The following MAP3K9 variants were observed in gnomAD, a reference collection of about 807,000 sequenced individuals.
MAP3K9 encodes the protein mixed lineage kinase 1 (tyr and ser/thr specificity).
A neutral mutation model predicts 95.8 loss-of-function variants in MAP3K9; 46 were observed. The observed-to-expected ratio is 0.48, with a 90% confidence interval of 0.38 to 0.61. The LOEUF is 0.61. Among genes scored for constraint, MAP3K9 ranks in the 20% least tolerant of loss-of-function variants. The probability of loss-of-function intolerance (pLI) is 0.00; values close to 1 mark genes in which losing one functional copy is unlikely to be tolerated. For missense variants in MAP3K9, 1,296 were observed against 1,474.3 expected (o/e 0.88, Z 1.98); for synonymous variants, 533 against 593.8 (o/e 0.90, Z 1.49).
At position 70,733,146 on chromosome 14, in the gene MAP3K9, C is replaced by G. The variant is rs779623119; in HGVS notation, c.2223G>C (p.Arg741=). The change falls in exon 11 of 12, where the codon CGG becomes CGC. Residue 741 remains arginine, a synonymous_variant. Transcript: ENST00000554752. Reference sequence around the variant, plus strand: ...CGCAGCGGCGGTGGTGGGCACCGCCCCGCTTGAGGCTGTTGGTTGGCGTCA... The same window carrying G: ...CGCAGCGGCGGTGGTGGGCACCGCCGCGCTTGAGGCTGTTGGTTGGCGTCA... ...PQLTPTNSLK[R]GGAHHRRCEV... 6.2e-7 allele frequency: 1 copy of G among 1,612,962 alleles called. No homozygotes were observed. The highest frequency in any genetic ancestry group is 8.5e-7 in the Non-Finnish European group (1 of 1,179,224).
intron 1 of MAP3K9, 81 bp from the exon 2 acceptor site, chr14:70,801,161 T>A: frequency 7.4e-7 from 1 of 1,353,360 alleles, no homozygotes; most frequent in Non-Finnish European, 1.0e-6. Context: ...CCTGAGTGGG[T>A]AAACACGGCA....
At chr14:70,787,528 C>T (rs1389130283) in intron 2 of MAP3K9, among the ~76,000 whole-genome samples, 1 of 149,264 alleles carries the variant, frequency 6.7e-6, no homozygotes, top group Non-Finnish European at 1.5e-5. Context: ...AAAAAAAGAT[C>T]GGTCATTGCC....
chr14:70,802,169 C>A (rs1416196414), intron 1 of MAP3K9, among the ~76,000 whole-genome samples: 1 of 152,220 alleles, frequency 6.6e-6, no homozygotes, highest in Admixed American at 6.5e-5. Context: ...GGAGGCCTTG[C>A]AGCTCAGAGG....
chr14:70,750,075 C>T lies in MAP3K9; in HGVS notation c.1008G>A (p.Gly336=). The change falls in exon 4 of 12, where the codon GGG becomes GGA. Residue 336 remains glycine (G), a synonymous_variant. Coordinates refer to ENST00000554752, the MANE Select transcript of MAP3K9 (RefSeq NM_001284230.2). The part of the protein sequence containing the change: ...FSKGSDVWSY[G]VLLWELLTGE... ...CAGTCAGCAACTCCCAAAGTAGCAC[C>T]CCATAGCTAAGGAGAGGAAGAAGAC... 2 of 1,614,146 alleles carry T rather than the reference C, an allele frequency of 1.2e-6. No homozygotes were observed. The highest frequency in any genetic ancestry group is 1.7e-6 in the Non-Finnish European group (2 of 1,180,012).
intron 2 of MAP3K9, among the ~76,000 whole-genome samples, chr14:70,778,274 C>G (rs546721015): frequency 6.8e-5 from 7 of 103,300 alleles, no homozygotes; most frequent in African/African-American, 2.5e-4. Context: ...CCACGCCCAG[C>G]TATTTTTTTT....
Position 70,727,650 on chromosome 14 carries a change from G to C in MAP3K9, c.*2730C>G, listed in dbSNP as rs1049888073. 3.9e-5 allele frequency: 6 copies of C among 152,426 alleles called. No individual in the cohort carries two copies. Among genetic ancestry groups the C allele is most frequent in the Non-Finnish European group, 5.9e-5 (4 of 68,210 alleles). 9.4% of individuals were successfully genotyped at this position (152,426 alleles called of 1,614,324 possible). ...TCTCCAACCTTGCCCCACTGAGAGA[G>C]TGCAGCAGTCAGGGGCCCATCAGAG... On this transcript the variant is annotated 3_prime_UTR_variant, in exon 12 of 12. Coordinates refer to ENST00000554752, the MANE Select transcript of MAP3K9 (RefSeq NM_001284230.2).
Position 70,726,165 on chromosome 14 carries a change from G to A in MAP3K9, c.*4215C>T, listed in dbSNP as rs1023071474. 4 of 152,310 alleles carry A rather than the reference G, an allele frequency of 2.6e-5. No homozygotes were observed. Among genetic ancestry groups the A allele is most frequent in the African/African-American group, 9.6e-5 (4 of 41,456 alleles). The allele number at this position is 152,310 out of a possible 1,614,324, so 9.4% of individuals were successfully genotyped here. ...GTTAAAAGTGAGCTGGATGAGTTAG[G>A]ATTGCTCGGGAGGTGTCTCCTTCAC... On this transcript the variant is annotated 3_prime_UTR_variant, in exon 12 of 12. Transcript: ENST00000554752.
At chr14:70,780,265 T>C (rs895673723) in intron 2 of MAP3K9, among the ~76,000 whole-genome samples, 2 of 152,222 alleles carry the variant, frequency 1.3e-5, no homozygotes, top group Admixed American at 1.3e-4. Context: ...TGCTGCCTTG[T>C]TGGGCTGGAG....
intron 2 of MAP3K9, among the ~76,000 whole-genome samples, chr14:70,792,072 T>C (rs1419355576): frequency 6.6e-6 from 1 of 152,218 alleles, no homozygotes; most frequent in Non-Finnish European, 1.5e-5. Flanking sequence ...CCCGGCTGGT[T>C]ATTTGCTTCA....
chr14:70,756,191 T>C (rs922697543), intron 3 of MAP3K9, among the ~76,000 whole-genome samples: 3 of 152,214 alleles, frequency 2.0e-5, no homozygotes, highest in African/African-American at 7.2e-5. Flanking sequence ...GAGAAGACTC[T>C]ACATGCGGCA....
Position 70,730,202 on chromosome 14 carries a change from G to T in MAP3K9, c.*178C>A. The T allele has an allele frequency of 1.1e-6, 1 of 903,840 alleles. No homozygotes were observed. Among genetic ancestry groups the T allele is most frequent in the Non-Finnish European group, 1.6e-6 (1 of 617,180 alleles). 56.0% of individuals were successfully genotyped at this position (903,840 alleles called of 1,614,324 possible). On this transcript the variant is annotated 3_prime_UTR_variant, in exon 12 of 12. Transcript: ENST00000554752. ...CAGTGGACACGGGTAGAAAGGCCCT[G>T]CAGGGCAGGAGACCCTCTGAAGTGG...
intron 2 of MAP3K9, among the ~76,000 whole-genome samples, chr14:70,796,605 C>A (rs1207105774): frequency 6.6e-6 from 1 of 152,166 alleles, no homozygotes; most frequent in African/African-American, 2.4e-5. Context: ...GATGGCCAGG[C>A]GACCACACTC....
rs911342222 is a variant in MAP3K9, at chr14:70,733,183, C to T, written c.2186G>A (p.Ser729Asn). 6.2e-7 allele frequency: 1 copy of T among 1,610,674 alleles called. No homozygotes were observed. ...EEPTPVNSAT[S>N]TPQLTPTNSL... ...GTTGGTTGGCGTCAGCTGAGGGGTACTCGTGGCCGAGTTGACTGGGGTGGG... is the reference window on the plus strand; with the variant it reads ...GTTGGTTGGCGTCAGCTGAGGGGTATTCGTGGCCGAGTTGACTGGGGTGGG... Residue 729 changes from serine (S) to asparagine (N), a missense_variant, in exon 11 of 12, where the codon AGT becomes AAT. This residue lies in a region of MAP3K9 where 377 missense variants were observed against 417.1 expected (regional missense o/e 0.90). Coordinates refer to ENST00000554752, the MANE Select transcript of MAP3K9 (RefSeq NM_001284230.2).
intron 9 of MAP3K9, among the ~76,000 whole-genome samples, chr14:70,735,244 G>C (rs529628423): frequency 6.6e-6 from 1 of 152,268 alleles, no homozygotes; most frequent in South Asian, 2.1e-4. Flanking sequence ...CCACTTTGTA[G>C]GAGGGGGGAA....
chr14:70,765,836 T>A (rs553155939), intron 2 of MAP3K9, among the ~76,000 whole-genome samples: 3 of 150,598 alleles, frequency 2.0e-5, no homozygotes, highest in Non-Finnish European at 4.4e-5. Flanking sequence ...ATAGCCCAGG[T>A]GTGTAGTATA....
intron 2 of MAP3K9, among the ~76,000 whole-genome samples, chr14:70,768,542 C>A (rs2054488637): frequency 1.3e-5 from 2 of 152,044 alleles, no homozygotes; most frequent in African/African-American, 4.8e-5. Context: ...GAATGTTGAT[C>A]CTCCATTTAC....
intron 10 of MAP3K9, 47 bp from the exon 11 acceptor site, chr14:70,733,389 G>A (rs1328012909): frequency 2.0e-5 from 17 of 855,692 alleles, no homozygotes; most frequent in Middle Eastern, 2.3e-4. Context: ...TGGAAATGAG[G>A]TGGCAGGAAT....
At chr14:70,745,752 T>G (rs879604743) in intron 5 of MAP3K9, among the ~76,000 whole-genome samples, 134 of 146,766 alleles carry the variant, frequency 9.1e-4, no homozygotes, top group African/African-American at 2.8e-3. Context: ...AAAAAAAAAG[T>G]GATAGAAAAG....
At chr14:70,768,572 T>C (rs1278430608) in intron 2 of MAP3K9, among the ~76,000 whole-genome samples, 1 of 152,116 alleles carries the variant, frequency 6.6e-6, no homozygotes, top group East Asian at 1.9e-4. Context: ...CTGAATGACT[T>C]TCTTTGGGAT....
Sources: allele counts gnomAD v4.1 joint callset (sites outside exome capture counted in the v4.1 genomes callset), GRCh38; gene constraint gnomAD v4.1.1; regional missense constraint gnomAD v4.1.1; transcripts MANE v1.5; gene names NCBI Gene and HGNC (gene_info 2026-07-23, HGNC 2026-07-21).